Variants in NAV1 observed in about 807,000 individuals in gnomAD.
NAV1 encodes the protein neuron navigator 1, also known as pore membrane and/or filament interacting like protein 3.
A neutral mutation model predicts 175.2 loss-of-function variants in NAV1; 18 were observed. The ratio of observed to expected loss-of-function variants is 0.10; its 90% CI spans 0.07 to 0.15. The LOEUF is 0.15. Among genes scored for constraint, NAV1 ranks in the 10% least tolerant of loss-of-function variants. The pLI is 1.00. For synonymous variants in NAV1, 897 were observed against 978.7 expected (o/e 0.92, Z 1.56); for missense variants, 1,731 against 2,436.6 (o/e 0.71, Z 6.10).
At chr1:201,683,089 CTCAGTCA>C (rs1670529101) in intron 1 of NAV1, among the ~76,000 whole-genome samples, 1 of 152,226 alleles carries the variant, frequency 6.6e-6, no homozygotes, top group Non-Finnish European at 1.5e-5. Flanking sequence ...ACACATTACT[CTCAGTCA>C]TCAGATTTCC....
chr1:201,607,131 T>G (rs1667707906), intron 2 of NAV1, among the ~76,000 whole-genome samples: 1 of 151,364 alleles, frequency 6.6e-6, no homozygotes. Context: ...TTTTTTTTTT[T>G]TTGAGATGGA....
upstream of NAV1, among the ~76,000 whole-genome samples, chr1:201,644,593 A>G (rs142624534): frequency 2.0e-5 from 3 of 152,366 alleles, no homozygotes; most frequent in East Asian, 5.8e-4. Flanking sequence ...CTGGCACTCA[A>G]GGGGATTGGC....
intron 15 of NAV1, among the ~76,000 whole-genome samples, chr1:201,801,285 G>A (rs1189669946): frequency 1.3e-5 from 2 of 152,242 alleles, no homozygotes; most frequent in Admixed American, 6.5e-5. Flanking sequence ...TAGTATCAAG[G>A]GAAAATTAGA....
intron 2 of NAV1, among the ~76,000 whole-genome samples, chr1:201,617,648 AGCCTGGGAGATTGAGTCT>A (rs1431266472): frequency 6.6e-6 from 1 of 152,172 alleles, no homozygotes; most frequent in Non-Finnish European, 1.5e-5. Flanking sequence ...GGATCACTTA[AGCCTGGGAGATTGAGTCT>A]GCAGTGAGCT....
chr1:201,593,373 A>G (rs756761503), intron 2 of NAV1, among the ~76,000 whole-genome samples: 31 of 152,194 alleles, frequency 2.0e-4, no homozygotes, highest in Non-Finnish European at 1.6e-4. Flanking sequence ...ACGCATGCCC[A>G]TAAATTAAGA....
exon 1 of NAV1, chr1:201,648,557 C>A: frequency 8.0e-7 from 1 of 1,252,452 alleles, no homozygotes; most frequent in South Asian, 3.6e-5. Flanking sequence ...TTTCTTCCGT[C>A]CTCTCTCTCC....
At chr1:201,701,212 T>C (rs906964636) in intron 1 of NAV1, among the ~76,000 whole-genome samples, 4 of 128,190 alleles carry the variant, frequency 3.1e-5, no homozygotes, top group Admixed American at 9.7e-5. Flanking sequence ...AATTGAACAA[T>C]GAGAACACTT....
rs1274803975 is a variant in NAV1 at position 201,782,193 on chromosome 1, G to C, written c.1681G>C (p.Ala561Pro). 13 of 1,594,474 alleles carry C rather than the reference G, an allele frequency of 8.2e-6. No homozygotes were observed. Among genetic ancestry groups the C allele is most frequent in the Non-Finnish European group, 1.1e-5 (13 of 1,169,958 alleles). The change falls in exon 6 of 30, where the codon GCT becomes CCT. Residue 561 changes from alanine (A) to proline (P), a missense_variant. Transcript: ENST00000367296. The surrounding 1 kb of genome is among the most constrained non-coding windows in gnomAD (Gnocchi z 5.4). ...TCTTGCAGGCAAACCTGAGGGCAAA[G>C]CTACAGACAAGGGTAAGCTTGCAGT...
At position 201,569,928 on chromosome 1, in the gene NAV1, A is replaced by G. The variant is rs191145782; in HGVS notation, c.-143-18611A>G. 4.3e-3 allele frequency among the ~76,000 whole-genome samples: 653 copies of G among 152,304 alleles called. 2 individuals carry two copies. The highest frequency in any genetic ancestry group is 0.015 in the African/African-American group (613 of 41,544). ...CAATTTACTTCTCAGTTGCTGTTTTACTTGTGAAATAATGAGAAAGACAAC... is the reference window on the plus strand; with the variant it reads ...CAATTTACTTCTCAGTTGCTGTTTTGCTTGTGAAATAATGAGAAAGACAAC... On this transcript the variant is annotated intron_variant, in intron 1 of 33. Coordinates refer to the NAV1 transcript ENST00000685211.
At position 201,787,527 on chromosome 1, in the gene NAV1, AT is replaced by A. The variant is rs1226282700; in HGVS notation, c.2996-940del. On this transcript the variant is annotated intron_variant, in intron 9 of 29. Transcript: ENST00000367296. This position sits in a 1 kb window ranked among gnomAD's most constrained non-coding sequence, Gnocchi z 4.3. ...GGAGGATGGGGCCAGCTTGTTCTCT[AT>A]CTCCATTGAAGACCAAATAAGAAGA... 2 of 393,846 alleles carry A rather than the reference AT, an allele frequency of 5.1e-6. No individual in the cohort carries two copies. The highest frequency in any genetic ancestry group is 5.5e-5 in the Admixed American group (2 of 36,426). 24.4% of individuals were successfully genotyped at this position (393,846 alleles called of 1,614,324 possible). A position where few individuals can be genotyped will look rare whatever the true frequency, so the allele number is the denominator to read the frequency against.
intron 3 of NAV1, among the ~76,000 whole-genome samples, chr1:201,759,015 T>TGAG (rs1473012621): frequency 6.6e-6 from 1 of 152,218 alleles, no homozygotes; most frequent in Non-Finnish European, 1.5e-5. Flanking sequence ...AAGCTTTAAA[T>TGAG]GAGGTTATAC....
chr1:201,691,553 G>A (rs1670944392), intron 1 of NAV1, among the ~76,000 whole-genome samples: 1 of 152,218 alleles, frequency 6.6e-6, no homozygotes, highest in Admixed American at 6.5e-5. Flanking sequence ...AAAGGGAAAT[G>A]CATTCCAGAT....
rs76458889 is a variant in NAV1, at chr1:201,812,740, C to T, written c.5221+79C>T. 2,246 of 1,321,876 alleles carry T rather than the reference C, an allele frequency of 1.7e-3. 34 individuals carry two copies. The African/African-American group carries it at 0.029, about 17-fold the overall frequency. The allele number at this position is 1,321,876 out of a possible 1,614,324, so 81.9% of individuals were successfully genotyped here. On this transcript the variant is annotated intron_variant, in intron 27 of 29. Transcript: ENST00000367296. This position sits in a 1 kb window ranked among gnomAD's most constrained non-coding sequence, Gnocchi z 4.6. ...GTACCACCTGGAGGGATGCTCCCTTCTCTTCCTGGAGTCTTCGGCATGTAA... is the reference window on the plus strand; with the variant it reads ...GTACCACCTGGAGGGATGCTCCCTTTTCTTCCTGGAGTCTTCGGCATGTAA...
intron 3 of NAV1, among the ~76,000 whole-genome samples, chr1:201,775,150 C>A (rs1675855950): frequency 6.6e-6 from 1 of 152,216 alleles, no homozygotes; most frequent in Non-Finnish European, 1.5e-5. Flanking sequence ...AAAGGGGGAG[C>A]CCTTTCCCTC....
chr1:201,636,065 C>T (rs1254021659), intron 2 of NAV1, among the ~76,000 whole-genome samples: 5 of 152,248 alleles, frequency 3.3e-5, no homozygotes, highest in African/African-American at 1.2e-4. Flanking sequence ...ACCTCCAGTG[C>T]AGCTCTGAAG....
intron 14 of NAV1, 71 bp downstream of exon 18, chr1:201,793,946 C>A: frequency 7.5e-7 from 1 of 1,326,006 alleles, no homozygotes; most frequent in Non-Finnish European, 1.1e-6. Context: ...GAGGCCGAAG[C>A]TGACCATCTG....
chr1:201,645,331 C>T (rs934212222), upstream of NAV1, among the ~76,000 whole-genome samples: 2 of 141,858 alleles, frequency 1.4e-5, no homozygotes, highest in Admixed American at 1.6e-4. Context: ...TGTTCTCACT[C>T]ACAGGTGGGA....
At chr1:201,671,694 C>T (rs981451829) in intron 1 of NAV1, among the ~76,000 whole-genome samples, 5 of 152,182 alleles carry the variant, frequency 3.3e-5, no homozygotes, top group Admixed American at 6.5e-5. Context: ...ACCCTGGGCA[C>T]GCTGGGTCTC....
Position 201,779,511 on chromosome 1 carries a change from T to C in NAV1, c.1227-910T>C, listed in dbSNP as rs542659435. On this transcript the variant is annotated intron_variant, in intron 3 of 29. Transcript: ENST00000367296. ...TTCTTGAGAGGCTGAAGCAGGAGAATTGCTTGAACCTGGGAGGCGGAGGTT... is the reference window on the plus strand; with the variant it reads ...TTCTTGAGAGGCTGAAGCAGGAGAACTGCTTGAACCTGGGAGGCGGAGGTT... Among the ~76,000 whole-genome samples, 11 of 147,304 alleles carry C rather than the reference T, an allele frequency of 7.5e-5. 1 individual carries two copies. In the South Asian group the frequency reaches 2.3e-3, roughly 31 times the overall value.
Sources: gnomAD v4.1 joint callset for allele counts (sites outside exome capture counted in the v4.1 genomes callset) on GRCh38, gnomAD v4.1.1 for gene constraint, Gnocchi (gnomAD v3.1) non-coding constraint, MANE v1.5 for transcripts, NCBI Gene and HGNC (gene_info 2026-07-23, HGNC 2026-07-21) for gene names.